NCKAP5: variants seen among roughly 807,000 people sequenced by gnomAD.
NCKAP5 encodes the protein NCK associated protein 5.
NCKAP5 carries 92 observed loss-of-function variants against 167.0 expected under a neutral mutation model. The observed-to-expected ratio is 0.55, with a 90% CI of 0.47 to 0.66. The LOEUF (loss-of-function observed/expected upper bound fraction) is 0.66, where lower values mean the gene tolerates loss of function less well. Among genes scored for constraint, NCKAP5 ranks in the 30% least tolerant of loss-of-function variants. The pLI is 0.00. For missense variants in NCKAP5, 2,378 were observed against 2,315.0 expected (o/e 1.03, Z -0.56); for synonymous variants, 891 against 877.4 (o/e 1.02, Z -0.27).
the NCKAP5 span, among the ~76,000 whole-genome samples, chr2:133,634,785 A>T: frequency 3.3e-5 from 5 of 152,078 alleles, no homozygotes; most frequent in Non-Finnish European, 5.9e-5. Flanking sequence ...CCCATGTAAT[A>T]TTGGGACATA....
chr2:133,575,473 T>C, the NCKAP5 span, among the ~76,000 whole-genome samples: 1 of 152,232 alleles, frequency 6.6e-6, no homozygotes, highest in Non-Finnish European at 1.5e-5. Flanking sequence ...TGAGAAGTTA[T>C]TGCTAGCTTC....
At chr2:133,076,137 C>T (rs1189283627) in intron 6 of NCKAP5, among the ~76,000 whole-genome samples, 3 of 152,242 alleles carry the variant, frequency 2.0e-5, no homozygotes, top group Non-Finnish European at 2.9e-5. Flanking sequence ...TAGAACCATA[C>T]ATAAACAATT....
chr2:133,666,184 T>C, the NCKAP5 span, among the ~76,000 whole-genome samples: 1 of 143,038 alleles, frequency 7.0e-6, no homozygotes, highest in Admixed American at 7.0e-5. Context: ...TAGATCTACA[T>C]CCTTTTTTTT....
chr2:132,801,039 G>C (rs1684992421), intron 11 of NCKAP5, among the ~76,000 whole-genome samples: 1 of 152,142 alleles, frequency 6.6e-6, no homozygotes, highest in African/African-American at 2.4e-5. Context: ...CATGGAGCCT[G>C]AGCAAAAGTG....
intron 19 of NCKAP5, among the ~76,000 whole-genome samples, chr2:132,680,124 T>G (rs1375937145): frequency 6.6e-6 from 1 of 152,172 alleles, no homozygotes; most frequent in Non-Finnish European, 1.5e-5. Flanking sequence ...CCTGTTAACC[T>G]GGTCAAATTT....
intron 4 of NCKAP5, among the ~76,000 whole-genome samples, chr2:133,286,165 T>C (rs573565410): frequency 7.2e-5 from 11 of 151,926 alleles, no homozygotes; most frequent in Non-Finnish European, 1.5e-4. Flanking sequence ...CAGGCTAATT[T>C]TTTTTGTATT....
rs557430377 is a variant in NCKAP5 at position 133,083,061 on chromosome 2, A to T, written c.341+46917T>A. 1.8e-4 allele frequency among the ~76,000 whole-genome samples: 27 copies of T among 152,128 alleles called. 1 individual carries two copies. The East Asian group carries it at 5.2e-3, about 29-fold the overall frequency. On this transcript the variant is annotated intron_variant, in intron 6 of 19. Transcript: ENST00000409261. ...CATCTTGAGTGTCCAGCTGCAGGAT[A>T]CCCTGTGAGTTTCTGTGCCTCAGTG...
chr2:132,728,845 C>T lies in NCKAP5; in HGVS notation c.5551G>A (p.Gly1851Arg), dbSNP rs1320914186. 6.2e-7 allele frequency: 1 copy of T among 1,613,898 alleles called. No individual in the cohort carries two copies. Among genetic ancestry groups the T allele is most frequent in the Non-Finnish European group, 8.5e-7 (1 of 1,179,854 alleles). Residue 1851 changes from glycine (G) to arginine (R), a missense_variant, in exon 18 of 20, where the codon GGG (glycine) becomes AGG (arginine). By Grantham distance (125) the Gly-to-Arg change is moderately radical. Transcript: ENST00000409261. ...GTCCCGGTGGCAGCAACTTCACTCC[C>T]CCAGTCTGGAAGCGGCTGGCTTGCC... ...PMASQPLPDW[G>R]SEVAATGTQD...
At chr2:133,039,814 C>A (rs186362823) in intron 6 of NCKAP5, among the ~76,000 whole-genome samples, 3 of 152,030 alleles carry the variant, frequency 2.0e-5, no homozygotes, top group Non-Finnish European at 4.4e-5. Flanking sequence ...AACCACACTC[C>A]GGAAAACACT....
chr2:133,390,439 C>T (rs1687318125), intron 3 of NCKAP5, among the ~76,000 whole-genome samples: 1 of 152,230 alleles, frequency 6.6e-6, no homozygotes, highest in African/African-American at 2.4e-5. Context: ...GGCCTATTTC[C>T]ACACTAGTTC....
chr2:133,270,073 A>C (rs2089440114), intron 4 of NCKAP5, among the ~76,000 whole-genome samples: 1 of 152,232 alleles, frequency 6.6e-6, no homozygotes, highest in Non-Finnish European at 1.5e-5. Flanking sequence ...ATGCCTATTA[A>C]GTTAAATTTT....
chr2:133,402,377 T>A (rs1292621921), intron 3 of NCKAP5, among the ~76,000 whole-genome samples: 1 of 152,134 alleles, frequency 6.6e-6, no homozygotes, highest in African/African-American at 2.4e-5. Context: ...TAAAGAAAAC[T>A]TACTTTCCTT....
intron 12 of NCKAP5, among the ~76,000 whole-genome samples, chr2:132,791,930 C>T (rs757043159): frequency 1.3e-4 from 20 of 152,210 alleles, no homozygotes; most frequent in Non-Finnish European, 2.8e-4. Flanking sequence ...CATGTGTATA[C>T]CTCCTGTATA....
chr2:133,061,769 A>C (rs2080011452), intron 6 of NCKAP5, among the ~76,000 whole-genome samples: 3 of 152,166 alleles, frequency 2.0e-5, no homozygotes, highest in Admixed American at 2.0e-4. Context: ...AATCAATCAT[A>C]AGCTTTCTTG....
At position 132,812,827 on chromosome 2, in the gene NCKAP5, T is replaced by A. The variant is rs373791695; in HGVS notation, c.808-16098A>T. 3.9e-5 allele frequency among the ~76,000 whole-genome samples: 6 copies of A among 152,318 alleles called. 1 individual carries two copies. Among genetic ancestry groups the A allele is most frequent in the East Asian group, 1.9e-4 (1 of 5,174 alleles). ...GATCAAGGTGCCAGCAGATCCAGTG[T>A]CTGCGGAGGGCCTATTTTCTGGTTC... On this transcript the variant is annotated intron_variant, in intron 11 of 19. Coordinates refer to ENST00000409261, the MANE Select transcript of NCKAP5 (RefSeq NM_207363.3).
At chr2:132,765,314 T>C (rs967118017) in intron 16 of NCKAP5, among the ~76,000 whole-genome samples, 1 of 147,252 alleles carries the variant, frequency 6.8e-6, no homozygotes, top group East Asian at 2.0e-4. Context: ...CTTTCTTTTT[T>C]TTTTTTTTTT....
intron 8 of NCKAP5, among the ~76,000 whole-genome samples, chr2:132,945,410 A>G (rs1697636773): frequency 6.6e-6 from 1 of 152,158 alleles, no homozygotes; most frequent in Admixed American, 6.5e-5. Context: ...CAACGAAATC[A>G]TCTAGTTAGC....
intron 6 of NCKAP5, among the ~76,000 whole-genome samples, chr2:133,125,240 T>A (rs2149777656): frequency 6.7e-6 from 1 of 149,262 alleles, no homozygotes; most frequent in East Asian, 2.0e-4. Flanking sequence ...TTTTTGTAAA[T>A]CACTGTTATT....
chr2:133,420,047 C>T (rs1314083543), intron 3 of NCKAP5, among the ~76,000 whole-genome samples: 2 of 152,206 alleles, frequency 1.3e-5, no homozygotes, highest in Non-Finnish European at 2.9e-5. Flanking sequence ...AAAAGGGGGC[C>T]TCCCCTCATA....
Sources: allele counts gnomAD v4.1 joint callset (sites outside exome capture counted in the v4.1 genomes callset), GRCh38; gene constraint gnomAD v4.1.1; transcripts MANE v1.5; gene names NCBI Gene and HGNC (gene_info 2026-07-23, HGNC 2026-07-21).